The following GREB1L variants were observed in gnomAD, a reference collection of about 807,000 sequenced individuals.
The protein encoded by GREB1L is GREB1-like protein.
Under a neutral mutation model 200.8 loss-of-function variants are expected in GREB1L, and 17 were observed. The observed-to-expected ratio is 0.08, with a 90% CI of 0.06 to 0.13. The LOEUF (loss-of-function observed/expected upper bound fraction) is 0.13. Among genes scored for constraint, GREB1L ranks in the 10% least tolerant of loss-of-function variants. The probability of loss-of-function intolerance (pLI) is 1.00; values close to 1 mark genes in which losing one functional copy is unlikely to be tolerated. For missense variants in GREB1L, 1,657 were observed against 2,367.7 expected (o/e 0.70, Z 6.23); for synonymous variants, 789 against 893.0 (o/e 0.88, Z 2.08).
At chr18:21,470,057 G>A (rs570287053) in intron 15 of GREB1L, among the ~76,000 whole-genome samples, 1 of 152,218 alleles carries the variant, frequency 6.6e-6, no homozygotes, top group African/African-American at 2.4e-5. Flanking sequence ...GGCCAAAGCT[G>A]GAGGACTGCT....
At chr18:21,429,621 G>A (rs1030905196) in intron 7 of GREB1L, among the ~76,000 whole-genome samples, 53 of 152,150 alleles carry the variant, frequency 3.5e-4, no homozygotes, top group African/African-American at 1.3e-3. Flanking sequence ...AATGTTGGTA[G>A]GATTCACTAA....
At chr18:21,260,561 A>C (rs893669677) in intron 1 of GREB1L, among the ~76,000 whole-genome samples, 1 of 152,004 alleles carries the variant, frequency 6.6e-6, no homozygotes, top group Non-Finnish European at 1.5e-5. Context: ...TTAACATGCA[A>C]AGGACCATTT....
chr18:21,301,868 CT>C, intron 1 of GREB1L, among the ~76,000 whole-genome samples: 1 of 152,148 alleles, frequency 6.6e-6, no homozygotes, highest in East Asian at 1.9e-4. Flanking sequence ...ATATTCATAA[CT>C]TAATTTTTGG....
chr18:21,301,886 T>C (rs1244944126), intron 1 of GREB1L, among the ~76,000 whole-genome samples: 1 of 152,166 alleles, frequency 6.6e-6, no homozygotes, highest in Non-Finnish European at 1.5e-5. Context: ...TTGGCCTGCG[T>C]TTGCATGATC....
Position 21,328,772 on chromosome 18 carries a change from CAG to C in GREB1L, c.-119-37254_-119-37253del, listed in dbSNP as rs919852768. 3.3e-5 allele frequency among the ~76,000 whole-genome samples: 5 copies of C among 151,990 alleles called. No individual in the cohort carries two copies. The East Asian group carries it at 7.7e-4, about 24-fold the overall frequency. Reference sequence around the variant, plus strand: ...TGTCCACTTAGGGGGTTGTATGAATCAGGGGGAAAGGGGAAAACAGGAAATGA... The same window carrying C: ...TGTCCACTTAGGGGGTTGTATGAATCGGGGAAAGGGGAAAACAGGAAATGA... On this transcript the variant is annotated intron_variant, in intron 1 of 32. Transcript: ENST00000424526.
chr18:21,259,046 T>C (rs974167477), intron 1 of GREB1L, among the ~76,000 whole-genome samples: 9 of 152,134 alleles, frequency 5.9e-5, no homozygotes, highest in Non-Finnish European at 1.3e-4. Context: ...ATCAAAACAG[T>C]GTGGGCTTAT....
chr18:21,521,539 CTT>C (rs936110763), intron 32 of GREB1L, among the ~76,000 whole-genome samples: 1 of 152,024 alleles, frequency 6.6e-6, no homozygotes, highest in Admixed American at 6.6e-5. Flanking sequence ...CATTCATTCA[CTT>C]ATTTATTTAT....
chr18:21,372,531 C>T (rs187226725), intron 2 of GREB1L, among the ~76,000 whole-genome samples: 229 of 152,094 alleles, frequency 1.5e-3, no homozygotes, highest in African/African-American at 5.3e-3. Context: ...CATCAGCTGT[C>T]GATAGTGTAT....
chr18:21,296,809 C>T (rs1273790083), intron 1 of GREB1L, among the ~76,000 whole-genome samples: 2 of 152,014 alleles, frequency 1.3e-5, no homozygotes, highest in East Asian at 1.9e-4. Context: ...CACATGCCAC[C>T]ACCCCTGGCT....
At chr18:21,444,118 G>A in intron 10 of GREB1L, 106 bp from the exon 11 acceptor site, 1 of 706,176 alleles carries the variant, frequency 1.4e-6, no homozygotes, top group South Asian at 2.2e-5. Context: ...CTATCTCAGA[G>A]GGCAGGGAAT....
At chr18:21,428,798 A>G (rs956370298) in intron 7 of GREB1L, among the ~76,000 whole-genome samples, 1 of 141,868 alleles carries the variant, frequency 7.0e-6, no homozygotes, top group Non-Finnish European at 1.5e-5. Flanking sequence ...GTTCACTGCA[A>G]CCTCCACTTC....
At chr18:21,312,429 T>C (rs2144811995) in intron 1 of GREB1L, among the ~76,000 whole-genome samples, 1 of 152,316 alleles carries the variant, frequency 6.6e-6, no homozygotes, top group South Asian at 2.1e-4. Context: ...GTCGAAGTAA[T>C]TCACACTCAC....
chr18:21,507,570 T>C (rs1398028889), intron 25 of GREB1L, among the ~76,000 whole-genome samples: 1 of 152,188 alleles, frequency 6.6e-6, no homozygotes, highest in East Asian at 1.9e-4. Context: ...TAGATTTATA[T>C]TTGGCTTCAG....
rs988859405 is a variant in GREB1L, at chr18:21,394,044, T to C, written c.356-1341T>C. Among the ~76,000 whole-genome samples the C allele has an allele frequency of 1.2e-3, 185 of 152,254 alleles. 1 individual carries two copies. Among genetic ancestry groups the C allele is most frequent in the Non-Finnish European group, 4.1e-4 (28 of 68,018 alleles). Reference sequence around the variant, plus strand: ...AGGGATCCAGATACTGCCAGAACAGTCTTTCAGCCTCCTGCCTGTGCTGAC... The same window carrying C: ...AGGGATCCAGATACTGCCAGAACAGCCTTTCAGCCTCCTGCCTGTGCTGAC... On this transcript the variant is annotated intron_variant, in intron 4 of 32. Coordinates refer to ENST00000424526, the MANE Select transcript of GREB1L (RefSeq NM_001142966.3).
intron 25 of GREB1L, 99 bp from the exon 26 acceptor site, chr18:21,508,018 GT>G (rs2037085527): frequency 1.7e-6 from 2 of 1,151,026 alleles, no homozygotes; most frequent in African/African-American, 3.1e-5. Context: ...ACCAGTTCAT[GT>G]TAGTTTCCAT....
chr18:21,497,940 G>C (rs1377919701), intron 21 of GREB1L, among the ~76,000 whole-genome samples: 1 of 148,796 alleles, frequency 6.7e-6, no homozygotes, highest in Admixed American at 6.8e-5. Flanking sequence ...TCCTGCCTCA[G>C]CCTCCTGAGT....
At chr18:21,393,151 G>C (rs2040897208) in intron 4 of GREB1L, among the ~76,000 whole-genome samples, 1 of 152,048 alleles carries the variant, frequency 6.6e-6, no homozygotes, top group Non-Finnish European at 1.5e-5. Context: ...GTTGACACTT[G>C]GTTAAAATCA....
chr18:21,426,495 A>ATTTCATTTGCCCATAAAATGTAAGAGT (rs2032587813), intron 7 of GREB1L, among the ~76,000 whole-genome samples: 1 of 152,150 alleles, frequency 6.6e-6, no homozygotes, highest in African/African-American at 2.4e-5. Context: ...CTGTTGTCAA[A>ATTTCATTTGCCCATAAAATGTAAGAGT]TTTCATTTGC....
intron 1 of GREB1L, among the ~76,000 whole-genome samples, chr18:21,292,051 G>A (rs1017905954): frequency 6.6e-6 from 1 of 152,144 alleles, no homozygotes; most frequent in African/African-American, 2.4e-5. Flanking sequence ...ATTATCTGCT[G>A]GGGCAGTTTT....
Sources: allele counts gnomAD v4.1 joint callset (sites outside exome capture counted in the v4.1 genomes callset), GRCh38; gene constraint gnomAD v4.1.1; transcripts MANE v1.5; gene names NCBI Gene and HGNC (gene_info 2026-07-23, HGNC 2026-07-21).